LRRC4C: variants seen among roughly 807,000 people sequenced by gnomAD.
LRRC4C encodes leucine-rich repeat-containing protein 4C.
A neutral mutation model predicts 33.6 loss-of-function variants in LRRC4C; 5 were observed. The observed-to-expected ratio is 0.15, with a 90% CI of 0.08 to 0.31. The LOEUF is 0.31. Among genes scored for constraint, LRRC4C ranks in the 10% least tolerant of loss-of-function variants. The probability of loss-of-function intolerance (pLI) is 1.00; values close to 1 mark genes in which losing one functional copy is unlikely to be tolerated. For missense variants in LRRC4C, 560 were observed against 796.7 expected (o/e 0.70, Z 3.58); for synonymous variants, 329 against 302.0 (o/e 1.09, Z -0.93).
intron 2 of LRRC4C, among the ~76,000 whole-genome samples, chr11:40,777,986 C>A (rs977343365): frequency 1.3e-5 from 2 of 152,280 alleles, no homozygotes; most frequent in African/African-American, 2.4e-5. Flanking sequence ...CCGCTCCCGG[C>A]CAGATCTTGA....
chr11:40,968,956 A>AT (rs2136963327), intron 1 of LRRC4C, among the ~76,000 whole-genome samples: 1 of 152,272 alleles, frequency 6.6e-6, no homozygotes, highest in African/African-American at 2.4e-5. Flanking sequence ...TTGTATAGGA[A>AT]TATAGCTGCC....
chr11:40,341,716 CTT>C (rs1313339794), intron 3 of LRRC4C, among the ~76,000 whole-genome samples: 3 of 152,136 alleles, frequency 2.0e-5, no homozygotes, highest in Non-Finnish European at 4.4e-5. Context: ...ATATTAATTT[CTT>C]TGTCTTCTTT....
Position 41,321,511 on chromosome 11 carries a change from A to C in LRRC4C, c.-496+137920T>G, listed in dbSNP as rs181499740. Among the ~76,000 whole-genome samples the C allele has an allele frequency of 6.8e-4, 103 of 152,298 alleles. 1 individual carries two copies. The highest frequency in any genetic ancestry group is 2.4e-3 in the African/African-American group (99 of 41,570). ...AGGACCGTAGAATTCAACTAATTCT[A>C]TCTCTCAAATCTGCAATCTTCAACT... On this transcript the variant is annotated intron_variant, in intron 1 of 6. Transcript: ENST00000528697.
chr11:40,858,084 T>C (rs1953889853), intron 2 of LRRC4C, among the ~76,000 whole-genome samples: 2 of 151,482 alleles, frequency 1.3e-5, no homozygotes, highest in Non-Finnish European at 1.5e-5. Flanking sequence ...CCCAATGTGT[T>C]AACTACTGCC....
chr11:41,279,505 A>G (rs1177009197), intron 1 of LRRC4C, among the ~76,000 whole-genome samples: 6 of 151,854 alleles, frequency 4.0e-5, no homozygotes, highest in Non-Finnish European at 7.4e-5. Flanking sequence ...TTCCAGCTCC[A>G]TAGTTACCCA....
At chr11:40,647,867 C>T (rs1426118170) in intron 3 of LRRC4C, among the ~76,000 whole-genome samples, 1 of 152,172 alleles carries the variant, frequency 6.6e-6, no homozygotes, top group African/African-American at 2.4e-5. Context: ...TTGACCCCTA[C>T]CCTTCTGCAT....
intron 5 of LRRC4C, among the ~76,000 whole-genome samples, chr11:40,156,927 A>G (rs1858747264): frequency 1.3e-5 from 2 of 152,142 alleles, no homozygotes; most frequent in Non-Finnish European, 2.9e-5. Flanking sequence ...TAAAATTCAT[A>G]TGGAATCAAA....
intron 1 of LRRC4C, among the ~76,000 whole-genome samples, chr11:41,126,639 G>A (rs80223450): frequency 0.02 from 3,070 of 151,860 alleles, 54 homozygotes; most frequent in African/African-American, 0.044. Flanking sequence ...ACTGATTCTG[G>A]CCTTCCTTTG....
intron 3 of LRRC4C, among the ~76,000 whole-genome samples, chr11:40,600,378 A>G (rs1345603998): frequency 6.6e-6 from 1 of 152,196 alleles, no homozygotes; most frequent in Non-Finnish European, 1.5e-5. Flanking sequence ...TAACAAATGA[A>G]TTGTAGTATA....
At chr11:40,530,121 C>T (rs185695029) in intron 3 of LRRC4C, among the ~76,000 whole-genome samples, 10 of 152,048 alleles carry the variant, frequency 6.6e-5, no homozygotes, top group Admixed American at 6.6e-4. Context: ...TGAGAGTAGG[C>T]ATATTAAAAA....
At chr11:40,734,503 G>T (rs540121687) in intron 2 of LRRC4C, among the ~76,000 whole-genome samples, 1 of 152,178 alleles carries the variant, frequency 6.6e-6, no homozygotes, top group South Asian at 2.1e-4. Context: ...ACACAGGTTG[G>T]CAAATTTGCT....
At chr11:40,226,490 CT>C (rs2135967490) in intron 5 of LRRC4C, among the ~76,000 whole-genome samples, 1 of 152,348 alleles carries the variant, frequency 6.6e-6, no homozygotes, top group South Asian at 2.1e-4. Context: ...AAGCCCATAT[CT>C]TCTTGTATGC....
At chr11:40,860,351 A>C (rs1250957887) in intron 2 of LRRC4C, among the ~76,000 whole-genome samples, 2 of 152,004 alleles carry the variant, frequency 1.3e-5, no homozygotes, top group African/African-American at 2.4e-5. Flanking sequence ...ATAAATATTT[A>C]CTTTCACAAT....
intron 1 of LRRC4C, among the ~76,000 whole-genome samples, chr11:41,088,132 A>T (rs1407653599): frequency 6.6e-6 from 1 of 152,134 alleles, no homozygotes; most frequent in Non-Finnish European, 1.5e-5. Flanking sequence ...TGAAGCAAGA[A>T]CATGGAATTT....
At chr11:40,792,070 T>C (rs890799109) in intron 2 of LRRC4C, among the ~76,000 whole-genome samples, 11 of 152,152 alleles carry the variant, frequency 7.2e-5, no homozygotes, top group African/African-American at 2.2e-4. Context: ...CTTTTTTAAC[T>C]ATAAGCATCA....
chr11:40,136,426 C>G (rs890892937), intron 6 of LRRC4C, among the ~76,000 whole-genome samples: 5 of 150,144 alleles, frequency 3.3e-5, no homozygotes, highest in Non-Finnish European at 7.4e-5. Flanking sequence ...GCCACCATGC[C>G]CGGCTACTTT....
intron 1 of LRRC4C, among the ~76,000 whole-genome samples, chr11:41,441,935 G>T (rs765095520): frequency 2.0e-5 from 3 of 152,026 alleles, no homozygotes; most frequent in Non-Finnish European, 4.4e-5. Context: ...ATTTAGGAAG[G>T]TTTAAAAAAA....
At chr11:40,555,977 A>T (rs1489162814) in intron 3 of LRRC4C, among the ~76,000 whole-genome samples, 1 of 152,170 alleles carries the variant, frequency 6.6e-6, no homozygotes, top group African/African-American at 2.4e-5. Flanking sequence ...ACCAAGGATA[A>T]TAAAATTCTC....
intron 3 of LRRC4C, among the ~76,000 whole-genome samples, chr11:40,458,666 T>C (rs41400044): frequency 0.041 from 6,199 of 152,246 alleles, 408 homozygotes; most frequent in African/African-American, 0.14. Context: ...TTTTCTCACC[T>C]AAACTTGTTT....
Sources: allele counts gnomAD v4.1 joint callset (sites outside exome capture counted in the v4.1 genomes callset), GRCh38; gene constraint gnomAD v4.1.1; transcripts MANE v1.5; gene names NCBI Gene and HGNC (gene_info 2026-07-23, HGNC 2026-07-21).